Variants in FLT1 observed in about 807,000 individuals in gnomAD.
The protein encoded by FLT1 is fms related receptor tyrosine kinase 1, also known as vascular endothelial growth factor receptor 1.
A neutral mutation model predicts 156.3 loss-of-function variants in FLT1; 49 were observed. The observed-to-expected ratio is 0.31, with a 90% confidence interval of 0.25 to 0.40. FLT1 has a LOEUF of 0.40. FLT1 is among the 10% of genes least tolerant of loss of function. The pLI is 1.00. For missense variants in FLT1, 1,322 were observed against 1,637.2 expected (o/e 0.81, Z 3.32); for synonymous variants, 594 against 583.8 (o/e 1.02, Z -0.25).
Position 28,301,943 on chromosome 13 carries a change from T to C in FLT1, c.*1224A>G, listed in dbSNP as rs1870532316. On this transcript the variant is annotated 3_prime_UTR_variant, in exon 30 of 30. Transcript: ENST00000282397. ...AAAGTGCTTAATATGCGCCAGCTAA[T>C]GCTCTTCCACATCCTTTCAGATTAG... 1 of 233,640 alleles carries C rather than the reference T, an allele frequency of 4.3e-6. No homozygotes were observed. 14.5% of individuals were successfully genotyped at this position (233,640 alleles called of 1,614,324 possible).
intron 14 of FLT1, among the ~76,000 whole-genome samples, chr13:28,372,401 A>G (rs914591896): frequency 1.3e-5 from 2 of 150,598 alleles, no homozygotes; most frequent in African/African-American, 2.4e-5. Flanking sequence ...TTTAAAGCCC[A>G]CATTTGTACA....
At chr13:28,323,285 G>A (rs971588815) in intron 20 of FLT1, among the ~76,000 whole-genome samples, 5 of 152,110 alleles carry the variant, frequency 3.3e-5, no homozygotes, top group Non-Finnish European at 1.5e-5. Context: ...ACAATTTTAC[G>A]AAGTAGTTCT....
chr13:28,394,727 T>C (rs566461943), intron 12 of FLT1, among the ~76,000 whole-genome samples: 2 of 152,250 alleles, frequency 1.3e-5, no homozygotes, highest in South Asian at 2.1e-4. Context: ...CTTCCCACAA[T>C]GTGAAGAGTT....
chr13:28,396,477 C>T (rs1229955942), intron 12 of FLT1, among the ~76,000 whole-genome samples: 1 of 152,160 alleles, frequency 6.6e-6, no homozygotes, highest in Non-Finnish European at 1.5e-5. Flanking sequence ...AGCACATTAA[C>T]TATTGTTAAT....
At chr13:28,333,588 A>G (rs113204828) in intron 18 of FLT1, among the ~76,000 whole-genome samples, 2 of 152,276 alleles carry the variant, frequency 1.3e-5, no homozygotes, top group African/African-American at 4.8e-5. Flanking sequence ...GTTCTGATCA[A>G]CTCAATTGTT....
intron 15 of FLT1, among the ~76,000 whole-genome samples, chr13:28,347,403 C>T (rs940623982): frequency 6.6e-6 from 1 of 152,014 alleles, no homozygotes; most frequent in Non-Finnish European, 1.5e-5. Context: ...TGGGGGGGCA[C>T]CCAGCTCCTC....
chr13:28,314,001 G>T (rs9513072), intron 25 of FLT1, among the ~76,000 whole-genome samples: 1 of 151,956 alleles, frequency 6.6e-6, no homozygotes, highest in African/African-American at 2.4e-5. Context: ...GTTCAAGATC[G>T]TCCTGGACAA....
chr13:28,385,978 T>G, intron 13 of FLT1: 1 of 1,050,964 alleles, frequency 9.5e-7, no homozygotes, highest in Non-Finnish European at 1.1e-6. Context: ...CTAATGTCTT[T>G]CCCACCCTCC....
intron 29 of FLT1, 151 bp from the exon 30 acceptor site, chr13:28,303,519 T>G (rs2138802489): frequency 1.4e-6 from 1 of 705,406 alleles, no homozygotes; most frequent in Non-Finnish European, 2.4e-6. Flanking sequence ...TGCTGTCAGA[T>G]TTCCTCTGTT....
chr13:28,378,904 A>T (rs1377922878), intron 14 of FLT1, among the ~76,000 whole-genome samples: 2 of 152,236 alleles, frequency 1.3e-5, no homozygotes, highest in Admixed American at 6.5e-5. Flanking sequence ...GAGAAGACAT[A>T]TTAAGATATT....
intron 23 of FLT1, 90 bp from the exon 24 acceptor site, chr13:28,319,624 A>G (rs1871358401): frequency 1.3e-6 from 1 of 744,946 alleles, no homozygotes; most frequent in Non-Finnish European, 2.4e-6. Flanking sequence ...CCCAGATAAC[A>G]TACGGCCTAT....
chr13:28,319,611 C>A, intron 23 of FLT1, 77 bp from the exon 24 acceptor site: 1 of 810,454 alleles, frequency 1.2e-6, no homozygotes, highest in African/African-American at 1.7e-5. Flanking sequence ...CATGGGGTCA[C>A]CTCCCAGATA....
intron 1 of FLT1, among the ~76,000 whole-genome samples, chr13:28,468,814 T>C (rs544342363): frequency 1.2e-3 from 188 of 152,356 alleles, no homozygotes; most frequent in African/African-American, 3.7e-3. Context: ...ACCATGCTTG[T>C]ACAGCCTGGA....
At position 28,389,874 on chromosome 13, in the gene FLT1, A is replaced by T; in HGVS notation, c.1891T>A (p.Ser631Thr). ...LTIMNVSLQD[S>T]GTYACRARNV... The stretch of plus-strand genomic sequence containing the variant: ...CTGGCTCTGCAGGCATAGGTGCCTG[A>T]ATCTTGCAGGGAAACATTCATGATG... Residue 631 changes from serine to threonine, a missense_variant, in exon 13 of 30, where the codon TCA (serine) becomes ACA (threonine). Around this residue, in one of 3 missense-constraint regions of FLT1, gnomAD observed 991 missense variants for 1,254.8 expected, o/e 0.79. Transcript: ENST00000282397. 1.9e-6 allele frequency: 3 copies of T among 1,614,082 alleles called. No individual in the cohort carries two copies. The South Asian group carries it at 3.3e-5, about 18-fold the overall frequency.
intron 22 of FLT1, 40 bp from the exon 23 acceptor site, chr13:28,321,625 C>G (rs1871465047): frequency 1.2e-6 from 2 of 1,608,422 alleles, no homozygotes; most frequent in Non-Finnish European, 1.7e-6. Context: ...ATTTCCTTAA[C>G]CTAACCAACT....
At chr13:28,422,940 A>G (rs1274533773) in intron 10 of FLT1, among the ~76,000 whole-genome samples, 2 of 152,128 alleles carry the variant, frequency 1.3e-5, no homozygotes, top group Admixed American at 6.5e-5. Context: ...CTGTATTATT[A>G]TTGTTCCTTT....
intron 4 of FLT1, 33 bp from the exon 5 acceptor site, chr13:28,434,253 C>T: frequency 1.2e-6 from 2 of 1,600,910 alleles, no homozygotes; most frequent in Non-Finnish European, 1.7e-6. Flanking sequence ...TAACAAGGTC[C>T]TATTAGCACT....
intron 10 of FLT1, among the ~76,000 whole-genome samples, chr13:28,409,493 C>T (rs947890109): frequency 1.3e-5 from 2 of 151,872 alleles, no homozygotes; most frequent in Non-Finnish European, 2.9e-5. Flanking sequence ...TGCCATCATG[C>T]GAGGATAATT....
chr13:28,468,455 GTTATC>G (rs1033254327), intron 1 of FLT1, among the ~76,000 whole-genome samples: 1 of 152,170 alleles, frequency 6.6e-6, no homozygotes, highest in Non-Finnish European at 1.5e-5. Context: ...CCAGATCTCA[GTTATC>G]TTATCTGTAA....
Sources: allele counts gnomAD v4.1 joint callset (sites outside exome capture counted in the v4.1 genomes callset), GRCh38; gene constraint gnomAD v4.1.1; regional missense constraint gnomAD v4.1.1; transcripts MANE v1.5; gene names NCBI Gene and HGNC (gene_info 2026-07-23, HGNC 2026-07-21).